MBD5: variants seen among roughly 807,000 people sequenced by gnomAD.
The protein encoded by MBD5 is methyl-CpG binding domain protein 5.
MBD5 carries 13 observed loss-of-function variants against 117.3 expected under a neutral mutation model. The ratio of observed to expected loss-of-function variants is 0.11; its 90% CI spans 0.07 to 0.18. MBD5 has a LOEUF of 0.18. MBD5 is among the 10% of genes least tolerant of loss of function. The pLI, the probability that MBD5 is intolerant of heterozygous loss-of-function variation, is 1.00. For missense variants in MBD5, 1,879 were observed against 2,093.8 expected, an observed-to-expected ratio of 0.90 and a Z score of 2.00; for synonymous variants, 727 against 766.4, an observed-to-expected ratio of 0.95 and a Z score of 0.85.
chr2:148,322,526 C>A (rs1035834181), intron 3 of MBD5, among the ~76,000 whole-genome samples: 2 of 152,194 alleles, frequency 1.3e-5, no homozygotes, highest in African/African-American at 4.8e-5. Flanking sequence ...TATTCAGACT[C>A]CTATTTTTTC....
intron 5 of MBD5, among the ~76,000 whole-genome samples, chr2:148,461,385 TTTG>T (rs1169497362): frequency 6.6e-6 from 1 of 152,204 alleles, no homozygotes; most frequent in African/African-American, 2.4e-5. Flanking sequence ...GTTGAGGATT[TTTG>T]TTTAGATTTT....
At chr2:148,261,289 A>C (rs957332893) in intron 3 of MBD5, among the ~76,000 whole-genome samples, 7 of 152,188 alleles carry the variant, frequency 4.6e-5, no homozygotes, top group African/African-American at 1.7e-4. Context: ...TGAAAGTCCT[A>C]AATGGCATCT....
chr2:148,493,097 A>C (rs1681580052), intron 11 of MBD5, among the ~76,000 whole-genome samples: 1 of 152,224 alleles, frequency 6.6e-6, no homozygotes, highest in Non-Finnish European at 1.5e-5. Context: ...AGTCTAAAGC[A>C]GAAAGGCAGA....
At chr2:148,455,694 A>C (rs548343717) in intron 4 of MBD5, among the ~76,000 whole-genome samples, 1 of 152,132 alleles carries the variant, frequency 6.6e-6, no homozygotes, top group Admixed American at 6.6e-5. Context: ...GCAGATCCAC[A>C]AATTACTTAA....
chr2:148,496,641 T>A (rs551751745), intron 11 of MBD5, among the ~76,000 whole-genome samples: 1 of 152,354 alleles, frequency 6.6e-6, no homozygotes, highest in African/African-American at 2.4e-5. Flanking sequence ...ATCTGAAACA[T>A]TTAATTCTAT....
chr2:148,183,180 TA>T (rs1198561888), intron 2 of MBD5, among the ~76,000 whole-genome samples: 1 of 152,154 alleles, frequency 6.6e-6, no homozygotes, highest in Non-Finnish European at 1.5e-5. Flanking sequence ...TGAGCAATGA[TA>T]TGGTCTGATG....
At chr2:148,256,011 G>C (rs897602508) in intron 3 of MBD5, among the ~76,000 whole-genome samples, 1 of 152,256 alleles carries the variant, frequency 6.6e-6, no homozygotes, top group Non-Finnish European at 1.5e-5. Context: ...AAGTGTAGGT[G>C]AACAACAGGC....
chr2:148,025,808 C>T (rs1429063030), intron 1 of MBD5: 1 of 151,986 alleles, frequency 6.6e-6, no homozygotes, highest in Admixed American at 6.6e-5. Context: ...TTGCAAAATC[C>T]TCATAAGAAA....
In MBD5 at chr2:148,225,614, C is replaced by A. The variant is rs1011224681; in HGVS notation, c.-830-7631C>A. On this transcript the variant is annotated intron_variant, in intron 2 of 13. Transcript: ENST00000642680. The stretch of plus-strand genomic sequence containing the variant: ...TCCTCTTCTTTCTGATCAAAATACT[C>A]CCTTTAGCATTTCCTGCAGAAAGTT... 3.3e-5 allele frequency among the ~76,000 whole-genome samples: 5 copies of A among 152,294 alleles called. No homozygotes were observed. The East Asian group carries it at 9.6e-4, about 29-fold the overall frequency.
chr2:148,232,545 T>C (rs1700013806), intron 2 of MBD5, among the ~76,000 whole-genome samples: 1 of 152,092 alleles, frequency 6.6e-6, no homozygotes, highest in Non-Finnish European at 1.5e-5. Context: ...ATGATTGTAG[T>C]GCATTGCAGC....
intron 2 of MBD5, among the ~76,000 whole-genome samples, chr2:148,232,791 T>C (rs1308049862): frequency 1.3e-5 from 2 of 152,140 alleles, no homozygotes; most frequent in Admixed American, 1.3e-4. Flanking sequence ...ATGCTATGAA[T>C]TGATAATCTA....
At chr2:148,234,315 T>G (rs142014841) in intron 3 of MBD5, among the ~76,000 whole-genome samples, 6 of 152,298 alleles carry the variant, frequency 3.9e-5, no homozygotes, top group African/African-American at 1.2e-4. Flanking sequence ...AGGTCATCCA[T>G]GAAAACGTGT....
intron 1 of MBD5, among the ~76,000 whole-genome samples, chr2:148,094,692 T>A (rs976223664): frequency 2.0e-5 from 3 of 152,184 alleles, no homozygotes; most frequent in Non-Finnish European, 4.4e-5. Context: ...ACTAAAATCC[T>A]TATTTTGTAA....
At chr2:148,416,285 G>A (rs1206988718) in intron 4 of MBD5, among the ~76,000 whole-genome samples, 1 of 152,154 alleles carries the variant, frequency 6.6e-6, no homozygotes, top group Non-Finnish European at 1.5e-5. Context: ...CTGGTACTGG[G>A]CCCCCAGCTT....
At chr2:148,344,628 T>C (rs1703040834) in intron 4 of MBD5, among the ~76,000 whole-genome samples, 1 of 152,020 alleles carries the variant, frequency 6.6e-6, no homozygotes, top group African/African-American at 2.4e-5. Context: ...TGAACATTAT[T>C]GGTGTACAGA....
intron 3 of MBD5, among the ~76,000 whole-genome samples, chr2:148,268,075 G>A (rs1206332746): frequency 6.6e-6 from 1 of 150,616 alleles, no homozygotes; most frequent in East Asian, 2.0e-4. Context: ...TTGGCCTCCT[G>A]AGTAGCTGAG....
intron 11 of MBD5, among the ~76,000 whole-genome samples, chr2:148,501,474 T>C (rs1681870246): frequency 6.6e-6 from 1 of 152,204 alleles, no homozygotes; most frequent in Non-Finnish European, 1.5e-5. Context: ...TATGCTTACA[T>C]ACCAAACAAC....
rs796259636 is a variant in MBD5 at position 148,515,797 on chromosome 2, G to A, written c.*2856G>A. On this transcript the variant is annotated 3_prime_UTR_variant, in exon 14 of 14. Coordinates refer to ENST00000642680, the MANE Select transcript of MBD5 (RefSeq NM_001378120.1). ...TTAACAGTCCTAGGAAGCACAAGGA[G>A]AATAAACTAAACCTCTAAGAAGGTT... 6 of 152,252 alleles carry A rather than the reference G, an allele frequency of 3.9e-5. No homozygotes were observed. Among genetic ancestry groups the A allele is most frequent in the African/African-American group, 1.4e-4 (6 of 41,554 alleles). 9.4% of individuals were successfully genotyped at this position (152,252 alleles called of 1,614,324 possible).
intron 3 of MBD5, among the ~76,000 whole-genome samples, chr2:148,323,423 T>G (rs4381728): frequency 6.7e-6 from 1 of 150,244 alleles, no homozygotes; most frequent in South Asian, 2.1e-4. Flanking sequence ...ATCGCCACAC[T>G]GACTTCCACA....
Sources: allele counts gnomAD v4.1 joint callset (sites outside exome capture counted in the v4.1 genomes callset), GRCh38; gene constraint gnomAD v4.1.1; transcripts MANE v1.5; gene names NCBI Gene and HGNC (gene_info 2026-07-23, HGNC 2026-07-21).